The following KBTBD11 variants were observed in gnomAD, a reference collection of about 807,000 sequenced individuals.
KBTBD11 encodes kelch repeat and BTB domain-containing protein 11.
For missense variants in KBTBD11, 1,390 were observed against 1,001.8 expected (o/e 1.39, Z -5.23); for synonymous variants, 747 against 499.0 (o/e 1.50, Z -6.63).
Position 1,973,916 on chromosome 8 carries a change from T to A in KBTBD11, c.-928T>A. On this transcript the variant is annotated 5_prime_UTR_variant, in exon 1 of 2. Transcript: ENST00000320248. ...GGCTGCGCGTCCCGGGCCCGGCGGC[T>A]GAAGAGGAGCCGCGGCGAGGTAGGG... The A allele has an allele frequency of 4.1e-6, 4 of 980,672 alleles. No homozygotes were observed. 60.7% of individuals were successfully genotyped at this position (980,672 alleles called of 1,614,324 possible).
At chr8:1,978,659 T>C (rs1474321973) in intron 1 of KBTBD11, among the ~76,000 whole-genome samples, 1 of 152,030 alleles carries the variant, frequency 6.6e-6, no homozygotes, top group Non-Finnish European at 1.5e-5. Flanking sequence ...GCCTGCCACG[T>C]AGAAGGGGAG....
At position 2,005,332 on chromosome 8, in the gene KBTBD11, T is replaced by C. The variant is rs1444557142; in HGVS notation, c.*2268T>C. 6.0e-6 allele frequency: 1 copy of C among 167,134 alleles called. No homozygotes were observed. Among genetic ancestry groups the C allele is most frequent in the Non-Finnish European group, 1.5e-5 (1 of 68,130 alleles). 10.4% of individuals were successfully genotyped at this position (167,134 alleles called of 1,614,324 possible). On this transcript the variant is annotated 3_prime_UTR_variant, in exon 2 of 2. Coordinates refer to ENST00000320248, the MANE Select transcript of KBTBD11 (RefSeq NM_014867.3). ...GTCCGGCCAACCTATTGTGGAAATT[T>C]ATAGAATAGTATACACCACAGTTCT...
At position 1,973,986 on chromosome 8, in the gene KBTBD11, A is replaced by C. The variant is rs1399376957; in HGVS notation, c.-909+51A>C. 2.3e-4 allele frequency: 220 copies of C among 977,460 alleles called. 1 individual carries two copies. The highest frequency in any genetic ancestry group is 2.4e-4 in the Non-Finnish European group (198 of 826,220). 60.5% of individuals were successfully genotyped at this position (977,460 alleles called of 1,614,324 possible). A position where few individuals can be genotyped will look rare whatever the true frequency, so the allele number is the denominator to read the frequency against. Reference sequence around the variant, plus strand: ...GGCGGGGCCTGGCGGGCGGAGCGGGAAGCAGCCCGAGGCGCGGGTCGGAGG... The same window carrying C: ...GGCGGGGCCTGGCGGGCGGAGCGGGCAGCAGCCCGAGGCGCGGGTCGGAGG... On this transcript the variant is annotated intron_variant, in intron 1 of 1. Transcript: ENST00000320248.
intron 1 of KBTBD11, chr8:1,974,332 A>ACCGCCCCCGCCGAGGGTCCCG: frequency 1.0e-6 from 1 of 983,610 alleles, no homozygotes; most frequent in African/African-American, 1.8e-5. Flanking sequence ...GCCCGCAGTC[A>ACCGCCCCCGCCGAGGGTCCCG]CCGCCCCCGC....
At chr8:1,985,385 T>A (rs1303607778) in intron 1 of KBTBD11, among the ~76,000 whole-genome samples, 2 of 152,232 alleles carry the variant, frequency 1.3e-5, no homozygotes, top group Admixed American at 1.3e-4. Context: ...TCTGAAACTG[T>A]CTCATGCGCT....
intron 1 of KBTBD11, among the ~76,000 whole-genome samples, chr8:1,991,147 T>C (rs191375779): frequency 2.6e-5 from 4 of 151,614 alleles, no homozygotes; most frequent in East Asian, 1.9e-4. Context: ...GGGGCCTTGG[T>C]GCCCTCTTCT....
intron 1 of KBTBD11, among the ~76,000 whole-genome samples, chr8:1,993,064 C>G (rs371082181): frequency 6.6e-6 from 1 of 152,062 alleles, no homozygotes. Flanking sequence ...CCCAGCTTCC[C>G]GCGTAGCTAG....
chr8:2,002,947 A>G lies in KBTBD11; in HGVS notation c.1755A>G (p.Ala585=). The change falls in exon 2 of 2, where the codon GCA becomes GCG. Residue 585 remains alanine (A), a synonymous_variant. Coordinates refer to ENST00000320248, the MANE Select transcript of KBTBD11 (RefSeq NM_014867.3). The surrounding 1 kb of genome is among the most constrained non-coding windows in gnomAD (Gnocchi z 4.1). ...PAREGEAGGD[A]GQGGGFEALG... is the part of the protein sequence containing the mutation. Reference sequence around the variant, plus strand: ...GGGAAGGCGAGGCCGGCGGCGACGCAGGCCAGGGCGGCGGCTTCGAGGCGC... The same window carrying G: ...GGGAAGGCGAGGCCGGCGGCGACGCGGGCCAGGGCGGCGGCTTCGAGGCGC... 7.6e-7 allele frequency: 1 copy of G among 1,316,974 alleles called. No individual in the cohort carries two copies. Among genetic ancestry groups the G allele is most frequent in the Non-Finnish European group, 9.7e-7 (1 of 1,035,172 alleles). 81.6% of individuals were successfully genotyped at this position (1,316,974 alleles called of 1,614,324 possible). A position where few individuals can be genotyped will look rare whatever the true frequency, so the allele number is the denominator to read the frequency against.
chr8:2,001,549 C>T lies in KBTBD11; in HGVS notation c.357C>T (p.Ser119=), dbSNP rs1470514979. The change falls in exon 2 of 2, where the codon TCC becomes TCT. Residue 119 remains serine (S), a synonymous_variant. Coordinates refer to ENST00000320248, the MANE Select transcript of KBTBD11 (RefSeq NM_014867.3). The stretch of plus-strand genomic sequence containing the variant: ...GCGTTTGGCTTGAGGACCCCGCGTC[C>T]CCCGAGGAGCCCGGGGAGCCCGCGC... ...EPRVWLEDPA[S]PEEPGEPAPV... is the part of the protein sequence containing the mutation. The T allele has an allele frequency of 3.5e-6, 5 of 1,436,200 alleles. No homozygotes were observed. Among genetic ancestry groups the T allele is most frequent in the Middle Eastern group, 2.5e-4 (1 of 4,076 alleles). The allele number at this position is 1,436,200 out of a possible 1,614,324, so 89.0% of individuals were successfully genotyped here.
intron 1 of KBTBD11, among the ~76,000 whole-genome samples, chr8:1,982,339 G>T (rs1816564993): frequency 6.6e-6 from 1 of 152,052 alleles, no homozygotes; most frequent in African/African-American, 2.4e-5. Context: ...AGGAAGAAAG[G>T]AACAAAAGAC....
chr8:1,974,256 G>A, intron 1 of KBTBD11: 1 of 973,268 alleles, frequency 1.0e-6, no homozygotes, highest in Non-Finnish European at 1.2e-6. Flanking sequence ...TCCTCGCGGG[G>A]TCTCCACAGG....
At chr8:1,989,885 G>A (rs1563369085) in intron 1 of KBTBD11, among the ~76,000 whole-genome samples, 1 of 148,130 alleles carries the variant, frequency 6.8e-6, no homozygotes, top group African/African-American at 2.5e-5. Context: ...ATTTGTGAGG[G>A]CCAGCTCACT....
Position 1,973,847 on chromosome 8 carries a change from G to T in KBTBD11, c.-997G>T. The T allele has an allele frequency of 1.0e-6, 1 of 982,884 alleles. No homozygotes were observed. Among genetic ancestry groups the T allele is most frequent in the Non-Finnish European group, 1.2e-6 (1 of 828,978 alleles). The allele number at this position is 982,884 out of a possible 1,614,324, so 60.9% of individuals were successfully genotyped here. A position where few individuals can be genotyped will look rare whatever the true frequency, so the allele number is the denominator to read the frequency against. ...AGAGGCCGGGCCGCGGCTCCCACAGGTGCCGGGAAGCGGCCGCGCGCATGC... is the reference window on the plus strand; with the variant it reads ...AGAGGCCGGGCCGCGGCTCCCACAGTTGCCGGGAAGCGGCCGCGCGCATGC... On this transcript the variant is annotated 5_prime_UTR_variant, in exon 1 of 2. Coordinates refer to ENST00000320248, the MANE Select transcript of KBTBD11 (RefSeq NM_014867.3).
At position 2,003,346 on chromosome 8, in the gene KBTBD11, C is replaced by G. The variant is rs546098475; in HGVS notation, c.*282C>G. On this transcript the variant is annotated 3_prime_UTR_variant, in exon 2 of 2. Coordinates refer to ENST00000320248, the MANE Select transcript of KBTBD11 (RefSeq NM_014867.3). Reference sequence around the variant, plus strand: ...AGGCTGTGGGATCCAAAGGGTCAGCCTCAGGGTACAGTGGGGGTTCCTGAG... The same window carrying G: ...AGGCTGTGGGATCCAAAGGGTCAGCGTCAGGGTACAGTGGGGGTTCCTGAG... 1.5e-4 allele frequency: 54 copies of G among 352,066 alleles called. No homozygotes were observed. Among genetic ancestry groups the G allele is most frequent in the Admixed American group, 6.2e-4 (12 of 19,258 alleles). 21.8% of individuals were successfully genotyped at this position (352,066 alleles called of 1,614,324 possible).
chr8:2,001,220 C>T lies in KBTBD11; in HGVS notation c.28C>T (p.Leu10Phe), dbSNP rs1441781483. MEHAVAPCV[L>F]YPGTEPGAAG... ...GGAGCACGCGGTGGCCCCCTGCGTCCTCTACCCAGGGACTGAGCCCGGGGC... is the reference window on the plus strand; with the variant it reads ...GGAGCACGCGGTGGCCCCCTGCGTCTTCTACCCAGGGACTGAGCCCGGGGC... The change falls in exon 2 of 2, where the codon CTC becomes TTC. Residue 10 changes from leucine (L) to phenylalanine (F), a missense_variant. Coordinates refer to ENST00000320248, the MANE Select transcript of KBTBD11 (RefSeq NM_014867.3). 9 of 1,423,154 alleles carry T rather than the reference C, an allele frequency of 6.3e-6. No homozygotes were observed. The highest frequency in any genetic ancestry group is 4.5e-5 in the African/African-American group (3 of 67,258). 88.2% of individuals were successfully genotyped at this position (1,423,154 alleles called of 1,614,324 possible).
chr8:1,990,158 C>T lies in KBTBD11; in HGVS notation c.-908-10127C>T, dbSNP rs116266747. Among the ~76,000 whole-genome samples, 72 of 152,282 alleles carry T rather than the reference C, an allele frequency of 4.7e-4. 1 individual carries two copies. Among genetic ancestry groups the T allele is most frequent in the African/African-American group, 1.6e-3 (65 of 41,560 alleles). On this transcript the variant is annotated intron_variant, in intron 1 of 1. Transcript: ENST00000320248. ...TGTGAGACTGAAATGGGACAGTTGC[C>T]GGGAAGATGCCGGGAGCCTGTCTGG...
At chr8:1,987,497 T>C (rs1297098285) in intron 1 of KBTBD11, among the ~76,000 whole-genome samples, 3 of 152,264 alleles carry the variant, frequency 2.0e-5, no homozygotes, top group African/African-American at 7.2e-5. Flanking sequence ...GCAGATCCCA[T>C]TGTGGTCAAG....
rs1817561060 is a variant in KBTBD11, at chr8:2,005,969, C to T, written c.*2905C>T. On this transcript the variant is annotated 3_prime_UTR_variant, in exon 2 of 2. Transcript: ENST00000320248. ...TTTTCCTTCCGGTTTTATTCTTCCT[C>T]TTGGGAACATCCCTCCACTCCGCAC... is the stretch of plus-strand genomic sequence containing the variant. The T allele has an allele frequency of 6.0e-6, 1 of 167,070 alleles. No individual in the cohort carries two copies. The highest frequency in any genetic ancestry group is 1.5e-5 in the Non-Finnish European group (1 of 68,120). The allele number at this position is 167,070 out of a possible 1,614,324, so 10.3% of individuals were successfully genotyped here.
rs138343943 is a variant in KBTBD11 at position 1,984,001 on chromosome 8, G to T, written c.-909+10066G>T. Among the ~76,000 whole-genome samples, 647 of 152,310 alleles carry T rather than the reference G, an allele frequency of 4.2e-3. 7 individuals are homozygous for T. The highest frequency in any genetic ancestry group is 0.015 in the African/African-American group (627 of 41,564). On this transcript the variant is annotated intron_variant, in intron 1 of 1. Transcript: ENST00000320248. The stretch of plus-strand genomic sequence containing the variant: ...AAAAATTAGCTGGGCGTGGTGGCAG[G>T]CACCTTTAGTTCCAGCTACTCGGGA...
Sources: allele counts gnomAD v4.1 joint callset (sites outside exome capture counted in the v4.1 genomes callset), GRCh38; gene constraint gnomAD v4.1.1; non-coding constraint Gnocchi (gnomAD v3.1); transcripts MANE v1.5; gene names NCBI Gene and HGNC (gene_info 2026-07-23, HGNC 2026-07-21).